The following GMDS variants were observed in gnomAD, a reference collection of about 807,000 sequenced individuals.
The protein encoded by GMDS is GDP-mannose 4,6 dehydratase.
Under a neutral mutation model 49.9 loss-of-function variants are expected in GMDS, and 20 were observed. That is an observed-to-expected ratio of 0.40 (90% CI 0.28 to 0.58). GMDS has a LOEUF of 0.58. GMDS is among the 20% of genes least tolerant of loss of function. The pLI is 0.42. For synonymous variants in GMDS, 177 were observed against 178.6 expected (o/e 0.99, Z 0.07); for missense variants, 362 against 481.4 (o/e 0.75, Z 2.32).
At chr6:1,792,975 T>C (rs113818879) in intron 7 of GMDS, among the ~76,000 whole-genome samples, 2 of 152,354 alleles carry the variant, frequency 1.3e-5, no homozygotes, top group Middle Eastern at 3.4e-3. Flanking sequence ...CATATTCATA[T>C]GATAATTTCC....
At chr6:2,025,028 T>A (rs923837683) in intron 4 of GMDS, among the ~76,000 whole-genome samples, 1 of 151,954 alleles carries the variant, frequency 6.6e-6, no homozygotes, top group African/African-American at 2.4e-5. Flanking sequence ...CAAAAGGATA[T>A]GATAATCATA....
At chr6:2,071,431 C>T (rs554003328) in intron 4 of GMDS, among the ~76,000 whole-genome samples, 5 of 151,946 alleles carry the variant, frequency 3.3e-5, no homozygotes, top group African/African-American at 9.7e-5. Context: ...TTTCCATGAG[C>T]CCATGTGACG....
chr6:1,810,559 A>T (rs226464), intron 7 of GMDS, among the ~76,000 whole-genome samples: 2 of 151,814 alleles, frequency 1.3e-5, no homozygotes, highest in Non-Finnish European at 2.9e-5. Context: ...CTAGGGTTAC[A>T]GGCGTGAGCC....
In GMDS at chr6:1,624,131, A is replaced by C; in HGVS notation, c.*38T>G. 6.3e-7 allele frequency: 1 copy of C among 1,579,886 alleles called. No homozygotes were observed. The highest frequency in any genetic ancestry group is 8.6e-7 in the Non-Finnish European group (1 of 1,159,300). On this transcript the variant is annotated 3_prime_UTR_variant, in exon 11 of 11. Coordinates refer to ENST00000380815, the MANE Select transcript of GMDS (RefSeq NM_001500.4). ...CGTCTGCACCGGAGACTCTGCGGGG[A>C]TTGTAGCCGGAGGGCGGGCCGGGCT...
intron 9 of GMDS, among the ~76,000 whole-genome samples, chr6:1,698,626 T>G (rs572505865): frequency 1.8e-4 from 28 of 152,010 alleles, no homozygotes; most frequent in Admixed American, 1.6e-3. Flanking sequence ...TCTACAGGGT[T>G]GGTATTGAGG....
intron 7 of GMDS, among the ~76,000 whole-genome samples, chr6:1,834,482 G>C (rs1015693586): frequency 5.3e-5 from 8 of 151,918 alleles, no homozygotes; most frequent in Non-Finnish European, 7.4e-5. Context: ...GGGGAGAGTC[G>C]GCAACTCCCT....
At chr6:2,121,994 C>T (rs1376288684) in intron 2 of GMDS, among the ~76,000 whole-genome samples, 1 of 152,224 alleles carries the variant, frequency 6.6e-6, no homozygotes, top group African/African-American at 2.4e-5. Context: ...CAGCATCAAG[C>T]TCTTCTTCAC....
intron 8 of GMDS, among the ~76,000 whole-genome samples, chr6:1,727,304 C>T (rs996833457): frequency 2.0e-5 from 3 of 152,162 alleles, no homozygotes; most frequent in East Asian, 1.9e-4. Context: ...ATTACCTTCT[C>T]GCTAAAATTC....
At chr6:1,691,456 A>C (rs1301882933) in intron 9 of GMDS, among the ~76,000 whole-genome samples, 3 of 152,154 alleles carry the variant, frequency 2.0e-5, no homozygotes, top group Non-Finnish European at 4.4e-5. Flanking sequence ...CCACCATGGC[A>C]TACGTTCACC....
chr6:2,113,616 T>C (rs1322552706), intron 4 of GMDS, among the ~76,000 whole-genome samples: 1 of 152,050 alleles, frequency 6.6e-6, no homozygotes, highest in Non-Finnish European at 1.5e-5. Context: ...GTCCTCTCTA[T>C]ACCTCAACAC....
At chr6:1,918,185 C>A (rs1042767245) in intron 7 of GMDS, among the ~76,000 whole-genome samples, 1 of 151,912 alleles carries the variant, frequency 6.6e-6, no homozygotes, top group Non-Finnish European at 1.5e-5. Flanking sequence ...GACGGTTTTC[C>A]ATAATAATAG....
chr6:2,081,776 G>C (rs1772715639), intron 4 of GMDS, among the ~76,000 whole-genome samples: 1 of 152,072 alleles, frequency 6.6e-6, no homozygotes, highest in Non-Finnish European at 1.5e-5. Context: ...CAGCGTAGGT[G>C]AATGACCCAT....
intron 6 of GMDS, among the ~76,000 whole-genome samples, chr6:1,952,815 T>C (rs1019821608): frequency 2.6e-5 from 4 of 152,004 alleles, no homozygotes; most frequent in African/African-American, 9.7e-5. Context: ...TCTTAAACAC[T>C]GAGAGAAGAA....
intron 9 of GMDS, among the ~76,000 whole-genome samples, chr6:1,661,179 G>A (rs1317322331): frequency 2.6e-5 from 4 of 152,120 alleles, no homozygotes; most frequent in African/African-American, 4.8e-5. Context: ...TGAAGTCTGC[G>A]TACAGGCCTC....
intron 1 of GMDS, among the ~76,000 whole-genome samples, chr6:2,125,072 A>G (rs1775345145): frequency 6.6e-6 from 1 of 152,190 alleles, no homozygotes; most frequent in Non-Finnish European, 1.5e-5. Flanking sequence ...CATGCAGAAT[A>G]TGGGGGCAGA....
At chr6:1,744,657 C>T (rs1215940975) in intron 7 of GMDS, among the ~76,000 whole-genome samples, 1 of 152,150 alleles carries the variant, frequency 6.6e-6, no homozygotes, top group Non-Finnish European at 1.5e-5. Context: ...CAAGAAGTTC[C>T]CCAAGGTGTC....
intron 1 of GMDS, among the ~76,000 whole-genome samples, chr6:2,193,969 C>T (rs552137183): frequency 8.3e-4 from 126 of 151,988 alleles, no homozygotes; most frequent in African/African-American, 2.3e-3. Flanking sequence ...ATGATCCACC[C>T]GCTCGGCCTC....
In GMDS at chr6:2,191,920, T is replaced by C. The variant is rs1168346717; in HGVS notation, c.102+53401A>G. Reference sequence around the variant, plus strand: ...CAGTCCCACAGACCACACTGCAGGCTTATGGTGACTTTTCTGGGCCTGCCC... The same window carrying C: ...CAGTCCCACAGACCACACTGCAGGCCTATGGTGACTTTTCTGGGCCTGCCC... On this transcript the variant is annotated intron_variant, in intron 1 of 10. Transcript: ENST00000380815. This position sits in a 1 kb window ranked among gnomAD's most constrained non-coding sequence, Gnocchi z 4.6. 6.6e-6 allele frequency among the ~76,000 whole-genome samples: 1 copy of C among 152,180 alleles called. No individual in the cohort carries two copies. The highest frequency in any genetic ancestry group is 6.5e-5 in the Admixed American group (1 of 15,280).
intron 4 of GMDS, among the ~76,000 whole-genome samples, chr6:2,102,331 T>G (rs1773973590): frequency 6.6e-6 from 1 of 152,120 alleles, no homozygotes; most frequent in African/African-American, 2.4e-5. Flanking sequence ...TGCAAAATAT[T>G]TATAAAATAT....
Sources: allele counts gnomAD v4.1 joint callset (sites outside exome capture counted in the v4.1 genomes callset), GRCh38; gene constraint gnomAD v4.1.1; non-coding constraint Gnocchi (gnomAD v3.1); transcripts MANE v1.5; gene names NCBI Gene and HGNC (gene_info 2026-07-23, HGNC 2026-07-21).